TBCK: variants seen among roughly 807,000 people sequenced by gnomAD.
TBCK encodes TBC domain-containing protein kinase-like protein.
In TBCK, 99 loss-of-function variants were observed where a neutral mutation model predicts 113.4. The observed-to-expected ratio is 0.87, with a 90% CI of 0.74 to 1.03. The LOEUF is 1.03. TBCK is among the 50% of genes least tolerant of loss of function. TBCK has a pLI of 0.00. For synonymous variants in TBCK, 369 were observed against 370.8 expected, an observed-to-expected ratio of 1.00 and a Z score of 0.05; for missense variants, 1,045 against 1,061.3, an observed-to-expected ratio of 0.98 and a Z score of 0.21.
intron 23 of TBCK, among the ~76,000 whole-genome samples, chr4:106,122,708 A>C (rs1161501616): frequency 1.3e-5 from 2 of 152,158 alleles, no homozygotes; most frequent in East Asian, 3.9e-4. Flanking sequence ...CTGGGATGCA[A>C]GGCTGGTTCA....
intron 2 of TBCK, among the ~76,000 whole-genome samples, chr4:106,297,103 A>G (rs1168784284): frequency 6.6e-6 from 1 of 152,090 alleles, no homozygotes; most frequent in African/African-American, 2.4e-5. Flanking sequence ...TTCTACCCAA[A>G]TTGAAATGCT....
chr4:106,242,994 A>G (rs1255768667), intron 11 of TBCK, among the ~76,000 whole-genome samples: 1 of 151,730 alleles, frequency 6.6e-6, no homozygotes, highest in Non-Finnish European at 1.5e-5. Flanking sequence ...TAGTTTACTG[A>G]GAATGATGAT....
intron 24 of TBCK, among the ~76,000 whole-genome samples, chr4:106,096,758 G>A (rs1421167643): frequency 2.6e-5 from 4 of 152,140 alleles, no homozygotes; most frequent in Non-Finnish European, 4.4e-5. Context: ...TTGAAAATCA[G>A]AAATAAAAGA....
intron 23 of TBCK, 112 bp downstream of exon 23, chr4:106,170,983 T>C (rs1455924658): frequency 2.5e-5 from 18 of 727,176 alleles, no homozygotes; most frequent in Non-Finnish European, 3.7e-5. Context: ...AGAAAATATC[T>C]ACATTAAAAG....
rs149035623 is a variant in TBCK, at chr4:106,127,728, C to A, written c.2236-11350G>T. On this transcript the variant is annotated intron_variant, in intron 23 of 25. Transcript: ENST00000394708. ...GAAAGTCATAGAAAACCTCAATAGG[C>A]CTTTTTAAATATAGCTAAAATTTTA... Among the ~76,000 whole-genome samples the A allele has an allele frequency of 5.7e-3, 862 of 151,974 alleles. 10 individuals carry two copies. Among genetic ancestry groups the A allele is most frequent in the African/African-American group, 0.02 (833 of 41,452 alleles).
chr4:106,235,884 T>C (rs561755713), intron 14 of TBCK, among the ~76,000 whole-genome samples: 2 of 152,234 alleles, frequency 1.3e-5, no homozygotes, highest in African/African-American at 4.8e-5. Context: ...AGGTTCTTGA[T>C]ATATGCATTC....
intron 23 of TBCK, among the ~76,000 whole-genome samples, chr4:106,156,592 A>G (rs1749152591): frequency 6.6e-6 from 1 of 152,172 alleles, no homozygotes; most frequent in South Asian, 2.1e-4. Context: ...GAGACACAGT[A>G]TTTCCCATTC....
intron 22 of TBCK, among the ~76,000 whole-genome samples, chr4:106,185,137 T>C (rs1015597802): frequency 4.6e-5 from 7 of 152,138 alleles, no homozygotes; most frequent in Middle Eastern, 3.2e-3. Context: ...GTATGATTGA[T>C]AATTTGCACA....
At chr4:106,121,640 C>T (rs1029494882) in intron 23 of TBCK, among the ~76,000 whole-genome samples, 15 of 152,052 alleles carry the variant, frequency 9.9e-5, no homozygotes, top group African/African-American at 1.7e-4. Flanking sequence ...CTCTCCTCAG[C>T]AAATGTAAAA....
At chr4:106,112,742 C>G (rs1743013389) in intron 24 of TBCK, among the ~76,000 whole-genome samples, 1 of 152,146 alleles carries the variant, frequency 6.6e-6, no homozygotes, top group Non-Finnish European at 1.5e-5. Flanking sequence ...GCCCACAGCT[C>G]ACTGCCTGGC....
chr4:106,223,978 T>C (rs1381865236), intron 19 of TBCK, among the ~76,000 whole-genome samples: 2 of 152,164 alleles, frequency 1.3e-5, no homozygotes, highest in Non-Finnish European at 2.9e-5. Flanking sequence ...CAATCCTGAG[T>C]TGCATAATCA....
At chr4:106,091,958 G>A (rs1740302824) in intron 25 of TBCK, among the ~76,000 whole-genome samples, 1 of 152,180 alleles carries the variant, frequency 6.6e-6, no homozygotes, top group Non-Finnish European at 1.5e-5. Flanking sequence ...TACAATCCCT[G>A]AGCTAGACAC....
chr4:106,080,829 T>TA (rs140765708), intron 25 of TBCK, among the ~76,000 whole-genome samples: 10 of 150,716 alleles, frequency 6.6e-5, no homozygotes, highest in South Asian at 4.2e-4. Context: ...AATTCACAAT[T>TA]AAAAAAAAAC....
At chr4:106,290,530 A>G (rs905011832) in intron 3 of TBCK, among the ~76,000 whole-genome samples, 1 of 152,234 alleles carries the variant, frequency 6.6e-6, no homozygotes, top group South Asian at 2.1e-4. Context: ...TACAAAAATT[A>G]TAACTATAAA....
chr4:106,313,435 T>G (rs1768402238), intron 1 of TBCK, among the ~76,000 whole-genome samples: 1 of 152,190 alleles, frequency 6.6e-6, no homozygotes, highest in Admixed American at 6.5e-5. Flanking sequence ...GAAAATACTT[T>G]TGATTCTATA....
chr4:106,176,986 C>G (rs980495726), intron 22 of TBCK, among the ~76,000 whole-genome samples: 1 of 147,320 alleles, frequency 6.8e-6, no homozygotes, highest in Non-Finnish European at 1.5e-5. Context: ...AATACAGGGT[C>G]TCACTAAGTT....
intron 24 of TBCK, among the ~76,000 whole-genome samples, chr4:106,096,383 A>G (rs1488075416): frequency 1.3e-5 from 2 of 152,214 alleles, no homozygotes; most frequent in Admixed American, 1.3e-4. Context: ...CCTAACAAAC[A>G]ACTCATATAT....
At position 106,239,364 on chromosome 4, in the gene TBCK, AC is replaced by A. The variant is rs777062853; in HGVS notation, c.1171-2557del. Among the ~76,000 whole-genome samples, 12 of 152,098 alleles carry A rather than the reference AC, an allele frequency of 7.9e-5. No individual in the cohort carries two copies. In the East Asian group the frequency reaches 1.9e-3, roughly 24 times the overall value. On this transcript the variant is annotated intron_variant, in intron 12 of 25. Coordinates refer to ENST00000394708, the MANE Select transcript of TBCK (RefSeq NM_001163435.3). ...AGATTATAAAATACTTCTCCCCTAT[AC>A]TTTACTATGATATTAATAGGGCTTC...
At chr4:106,057,886 A>G (rs1013878130) in intron 25 of TBCK, among the ~76,000 whole-genome samples, 5 of 151,738 alleles carry the variant, frequency 3.3e-5, no homozygotes, top group African/African-American at 4.8e-5. Flanking sequence ...AGAGCAAGGG[A>G]CTATATCTTT....
Sources: allele counts gnomAD v4.1 joint callset (sites outside exome capture counted in the v4.1 genomes callset), GRCh38; gene constraint gnomAD v4.1.1; transcripts MANE v1.5; gene names NCBI Gene and HGNC (gene_info 2026-07-23, HGNC 2026-07-21).